The following LYRM7 variants were observed in gnomAD, a reference collection of about 807,000 sequenced individuals.
LYRM7 encodes the protein complex III assembly factor LYRM7.
LYRM7 carries 9 observed loss-of-function variants against 15.8 expected under a neutral mutation model. That is an observed-to-expected ratio of 0.57 (90% CI 0.34 to 0.99). The LOEUF (loss-of-function observed/expected upper bound fraction) is 0.99, where lower values mean the gene tolerates loss of function less well. Ranked by LOEUF, LYRM7 falls within the 50% of genes least tolerant of loss-of-function variation. The pLI, the probability that LYRM7 is intolerant of heterozygous loss-of-function variation, is 0.02. For missense variants in LYRM7, 115 were observed against 119.1 expected, an observed-to-expected ratio of 0.97 and a Z score of 0.16; for synonymous variants, 39 against 39.4, an observed-to-expected ratio of 0.99 and a Z score of 0.04.
Position 131,205,040 on chromosome 5 carries a change from G to A in LYRM7, c.*5439G>A, listed in dbSNP as rs28460666. The A allele has an allele frequency of 7.2e-5, 11 of 152,248 alleles. No homozygotes were observed. Among genetic ancestry groups the A allele is most frequent in the East Asian group, 5.7e-4 (3 of 5,278 alleles). 9.4% of individuals were successfully genotyped at this position (152,248 alleles called of 1,614,324 possible). A position where few individuals can be genotyped will look rare whatever the true frequency, so the allele number is the denominator to read the frequency against. On this transcript the variant is annotated 3_prime_UTR_variant, in exon 5 of 5. Transcript: ENST00000379380. ...TAACTATAAAATATTTTAAATATTA[G>A]CAAATAATATAGCACACTCATGAAC...
chr5:131,180,230 A>C, intron 2 of LYRM7, 63 bp downstream of exon 2: 1 of 1,179,782 alleles, frequency 8.5e-7, no homozygotes, highest in Non-Finnish European at 1.3e-6. Flanking sequence ...AATCTCTCTG[A>C]GAAACCCTGT....
chr5:131,195,247 C>T (rs527593857), intron 4 of LYRM7, among the ~76,000 whole-genome samples: 3 of 151,908 alleles, frequency 2.0e-5, no homozygotes, highest in African/African-American at 4.8e-5. Context: ...CCAGCCTGGG[C>T]GACAGACAGA....
intron 4 of LYRM7, among the ~76,000 whole-genome samples, chr5:131,193,843 C>G (rs952243761): frequency 5.3e-5 from 8 of 152,058 alleles, no homozygotes; most frequent in African/African-American, 1.9e-4. Flanking sequence ...AACCTCATCT[C>G]TACTAAAAAT....
chr5:131,201,066 C>T lies in LYRM7; in HGVS notation c.*1465C>T, dbSNP rs895274720. 5 of 151,578 alleles carry T rather than the reference C, an allele frequency of 3.3e-5. No individual in the cohort carries two copies. The highest frequency in any genetic ancestry group is 6.6e-5 in the Admixed American group (1 of 15,198). The allele number at this position is 151,578 out of a possible 1,614,324, so 9.4% of individuals were successfully genotyped here. A position where few individuals can be genotyped will look rare whatever the true frequency, so the allele number is the denominator to read the frequency against. On this transcript the variant is annotated 3_prime_UTR_variant, in exon 5 of 5. Transcript: ENST00000379380. ...GCGCTGTGGCTCACACCTGTAATCCCGCACTTTGGGAGGCTGAGGCGGGCA... is the reference window on the plus strand; with the variant it reads ...GCGCTGTGGCTCACACCTGTAATCCTGCACTTTGGGAGGCTGAGGCGGGCA...
intron 2 of LYRM7, among the ~76,000 whole-genome samples, chr5:131,180,419 T>C (rs933997337): frequency 1.3e-5 from 2 of 152,220 alleles, no homozygotes; most frequent in African/African-American, 2.4e-5. Context: ...TCAGTGTTTA[T>C]CATTGCTTGC....
chr5:131,178,737 G>A (rs1465108201), intron 1 of LYRM7, among the ~76,000 whole-genome samples: 6 of 152,014 alleles, frequency 3.9e-5, no homozygotes, highest in African/African-American at 4.8e-5. Flanking sequence ...CCAAGTCAGC[G>A]GACCACGAGG....
intron 1 of LYRM7, among the ~76,000 whole-genome samples, chr5:131,178,833 A>C (rs1755638975): frequency 6.6e-6 from 1 of 151,972 alleles, no homozygotes; most frequent in African/African-American, 2.4e-5. Context: ...GTGGTGGCAC[A>C]CGCCTGTAAT....
rs1280641480 is a variant in LYRM7 at position 131,202,785 on chromosome 5, G to T, written c.*3184G>T. ...ACTATTGAGATCTAGTGAAAGTGGG[G>T]TATATGAATTCTAATTGCAAATATC... On this transcript the variant is annotated 3_prime_UTR_variant, in exon 5 of 5. Transcript: ENST00000379380. The T allele has an allele frequency of 1.3e-5, 2 of 152,260 alleles. No homozygotes were observed. The highest frequency in any genetic ancestry group is 2.9e-5 in the Non-Finnish European group (2 of 68,026). 9.4% of individuals were successfully genotyped at this position (152,260 alleles called of 1,614,324 possible). A position where few individuals can be genotyped will look rare whatever the true frequency, so the allele number is the denominator to read the frequency against.
rs1160276925 is a variant in LYRM7 at position 131,203,521 on chromosome 5, C to T, written c.*3920C>T. 6.6e-6 allele frequency: 1 copy of T among 152,138 alleles called. No homozygotes were observed. Among genetic ancestry groups the T allele is most frequent in the Non-Finnish European group, 1.5e-5 (1 of 68,040 alleles). 9.4% of individuals were successfully genotyped at this position (152,138 alleles called of 1,614,324 possible). On this transcript the variant is annotated 3_prime_UTR_variant, in exon 5 of 5. Coordinates refer to ENST00000379380, the MANE Select transcript of LYRM7 (RefSeq NM_181705.4). Reference sequence around the variant, plus strand: ...CCAGCCTGACCAACATGGAGAAACCCCGTCTCTACTAAAAATACAAAATTA... The same window carrying T: ...CCAGCCTGACCAACATGGAGAAACCTCGTCTCTACTAAAAATACAAAATTA...
rs754452398 is a variant in LYRM7, at chr5:131,182,208, T to C, written c.92-21T>C. 1.7e-5 allele frequency: 24 copies of C among 1,397,626 alleles called. No homozygotes were observed. In the South Asian group the frequency reaches 2.7e-4, roughly 16 times the overall value. 86.6% of individuals were successfully genotyped at this position (1,397,626 alleles called of 1,614,324 possible). A position where few individuals can be genotyped will look rare whatever the true frequency, so the allele number is the denominator to read the frequency against. On this transcript the variant is annotated intron_variant, in intron 2 of 4. Coordinates refer to ENST00000379380, the MANE Select transcript of LYRM7 (RefSeq NM_181705.4). ...TATAGATTACAAAAGCGAATAACTA[T>C]ATGTATTTTTCTCTTTGTAGCAGCC...
chr5:131,180,249 G>T, intron 2 of LYRM7, 82 bp downstream of exon 2: 1 of 935,496 alleles, frequency 1.1e-6, no homozygotes, highest in South Asian at 1.5e-5. Flanking sequence ...GTGTGGTCAA[G>T]ACCCATTTTA....
Position 131,181,417 on chromosome 5 carries a change from T to TATATATATAAAACATATATATG in LYRM7, c.92-812_92-811insATATATATAAAACATATATATG, listed in dbSNP as rs1246590037. Among the ~76,000 whole-genome samples, 60 of 106,164 alleles carry TATATATATAAAACATATATATG rather than the reference T, an allele frequency of 5.7e-4. 2 individuals are homozygous for TATATATATAAAACATATATATG. Among genetic ancestry groups the TATATATATAAAACATATATATG allele is most frequent in the African/African-American group, 2.8e-3 (52 of 18,874 alleles). The allele number at this position is 106,164 out of a possible 152,430, so 69.6% of individuals were successfully genotyped here. ...ATATATTATATATACATATATATGT[T>TATATATATAAAACATATATATG]TATATATATATAACATATATATGTA... is the stretch of plus-strand genomic sequence containing the variant. On this transcript the variant is annotated intron_variant, in intron 2 of 4. Transcript: ENST00000379380.
At chr5:131,173,132 C>G (rs1755548274) in intron 1 of LYRM7, among the ~76,000 whole-genome samples, 1 of 152,156 alleles carries the variant, frequency 6.6e-6, no homozygotes, top group African/African-American at 2.4e-5. Flanking sequence ...CATGTCTTCT[C>G]TGCTCTTGCA....
chr5:131,181,953 C>G lies in LYRM7; in HGVS notation c.92-276C>G, dbSNP rs10069654. On this transcript the variant is annotated intron_variant, in intron 2 of 4. Coordinates refer to ENST00000379380, the MANE Select transcript of LYRM7 (RefSeq NM_181705.4). ...AATTAGATTTATTATAATTCAGTAG[C>G]TATAGGTATACAAATGAATTTGAGA... 5.3e-3 allele frequency among the ~76,000 whole-genome samples: 811 copies of G among 152,038 alleles called. 5 individuals carry two copies. Among genetic ancestry groups the G allele is most frequent in the African/African-American group, 0.018 (727 of 41,474 alleles).
chr5:131,194,253 AG>A (rs1755930437), intron 4 of LYRM7, among the ~76,000 whole-genome samples: 1 of 152,252 alleles, frequency 6.6e-6, no homozygotes, highest in Admixed American at 6.5e-5. Flanking sequence ...ATATAAATAT[AG>A]TTGGAGTGCA....
chr5:131,198,418 C>T (rs1195242740), intron 4 of LYRM7, among the ~76,000 whole-genome samples: 1 of 152,120 alleles, frequency 6.6e-6, no homozygotes, highest in Non-Finnish European at 1.5e-5. Context: ...TTCAGTCTTT[C>T]TTCGTCTTTC....
intron 4 of LYRM7, among the ~76,000 whole-genome samples, chr5:131,194,806 T>C (rs1172264397): frequency 6.6e-6 from 1 of 152,166 alleles, no homozygotes; most frequent in African/African-American, 2.4e-5. Flanking sequence ...CTTTGGTCAT[T>C]GTTTCTGGAA....
intron 1 of LYRM7, among the ~76,000 whole-genome samples, chr5:131,174,235 ACTC>A (rs1561542051): frequency 6.6e-6 from 1 of 151,988 alleles, no homozygotes; most frequent in Non-Finnish European, 1.5e-5. Context: ...ATGAGAAGCA[ACTC>A]CTCATGCATT....
intron 4 of LYRM7, 136 bp from the exon 5 acceptor site, chr5:131,199,395 G>A (rs563690873): frequency 9.4e-5 from 53 of 563,914 alleles, no homozygotes; most frequent in African/African-American, 9.4e-4. Flanking sequence ...GATATCAACT[G>A]AAATAAAATA....
Sources: gnomAD v4.1 joint callset for allele counts (sites outside exome capture counted in the v4.1 genomes callset) on GRCh38, gnomAD v4.1.1 for gene constraint, MANE v1.5 for transcripts, NCBI Gene and HGNC (gene_info 2026-07-23, HGNC 2026-07-21) for gene names.